The following CLYBL variants were observed in gnomAD, a reference collection of about 807,000 sequenced individuals.
CLYBL encodes citramalyl-CoA lyase, also known as citramalyl-CoA lyase, mitochondrial.
Under a neutral mutation model 38.9 loss-of-function variants are expected in CLYBL, and 31 were observed. That is an observed-to-expected ratio of 0.80 (90% CI 0.60 to 1.08). CLYBL has a LOEUF of 1.08. Ranked by LOEUF, CLYBL falls within the 50% of genes least tolerant of loss-of-function variation. The pLI is 0.00. For synonymous variants in CLYBL, 171 were observed against 158.6 expected (o/e 1.08, Z -0.59); for missense variants, 434 against 411.6 (o/e 1.05, Z -0.47).
At chr13:99,796,877 A>G (rs1215454454) in intron 2 of CLYBL, among the ~76,000 whole-genome samples, 1 of 151,994 alleles carries the variant, frequency 6.6e-6, no homozygotes, top group Non-Finnish European at 1.5e-5. Context: ...CAGTCACCAC[A>G]CCCTAATGTT....
At chr13:99,666,497 T>C (rs1471122858) in intron 1 of CLYBL, among the ~76,000 whole-genome samples, 1 of 152,162 alleles carries the variant, frequency 6.6e-6, no homozygotes, top group African/African-American at 2.4e-5. Context: ...GGGGTTTTTT[T>C]CCCTGTAGGT....
intron 2 of CLYBL, among the ~76,000 whole-genome samples, chr13:99,804,920 A>G (rs2390356): frequency 0.18 from 26,865 of 151,700 alleles, 2,958 homozygotes; most frequent in East Asian, 0.37. Context: ...ATAACTCCCC[A>G]TTTCCCCCTC....
At chr13:99,738,121 T>C (rs1000707478) in intron 1 of CLYBL, among the ~76,000 whole-genome samples, 36 of 152,196 alleles carry the variant, frequency 2.4e-4, no homozygotes, top group African/African-American at 8.2e-4. Flanking sequence ...AATTAAACCA[T>C]GGTGGGTATT....
chr13:99,827,122 G>T (rs1484160234), intron 2 of CLYBL, among the ~76,000 whole-genome samples: 1 of 152,134 alleles, frequency 6.6e-6, no homozygotes, highest in East Asian at 1.9e-4. Flanking sequence ...GCTCACCTTT[G>T]GCCATTCCCA....
At chr13:99,749,034 C>T (rs2048907483) in intron 1 of CLYBL, among the ~76,000 whole-genome samples, 1 of 151,938 alleles carries the variant, frequency 6.6e-6, no homozygotes. Context: ...CAAAAATTAG[C>T]CAGTGTGGTG....
chr13:99,649,299 C>A (rs939110846), intron 1 of CLYBL, among the ~76,000 whole-genome samples: 1 of 152,182 alleles, frequency 6.6e-6, no homozygotes, highest in South Asian at 2.1e-4. Context: ...TGCCAGCTCG[C>A]TTCTAGCATA....
At chr13:99,716,162 T>A (rs1594135407) in intron 1 of CLYBL, among the ~76,000 whole-genome samples, 1 of 145,358 alleles carries the variant, frequency 6.9e-6, no homozygotes, top group Non-Finnish European at 1.5e-5. Flanking sequence ...CTTGCTTTAT[T>A]GGTGTAATTT....
chr13:99,682,532 A>G (rs1004798764), intron 1 of CLYBL, among the ~76,000 whole-genome samples: 2 of 152,206 alleles, frequency 1.3e-5, no homozygotes, highest in Non-Finnish European at 2.9e-5. Flanking sequence ...GAACACTCAC[A>G]GAAGGCTCTT....
At chr13:99,647,010 C>T (rs898525555) in intron 1 of CLYBL, among the ~76,000 whole-genome samples, 4 of 152,258 alleles carry the variant, frequency 2.6e-5, no homozygotes, top group East Asian at 1.9e-4. Context: ...CTGGGCCCTC[C>T]GCACGCTCTG....
At chr13:99,836,385 G>A (rs12869989) in intron 2 of CLYBL, among the ~76,000 whole-genome samples, 1 of 152,200 alleles carries the variant, frequency 6.6e-6, no homozygotes. Flanking sequence ...AGAGTGGACA[G>A]TGTTCCAGGG....
At chr13:99,790,702 C>T (rs2049896784) in intron 2 of CLYBL, among the ~76,000 whole-genome samples, 1 of 152,300 alleles carries the variant, frequency 6.6e-6, no homozygotes, top group Non-Finnish European at 1.5e-5. Flanking sequence ...CGGTTCATTT[C>T]TTGGAGAAGT....
rs781050112 is a variant in CLYBL at position 99,907,923 on chromosome 13, C to T, written c.*161-132C>T. 5.9e-5 allele frequency among the ~76,000 whole-genome samples: 9 copies of T among 152,250 alleles called. No homozygotes were observed. In the Middle Eastern group the frequency reaches 0.01, roughly 173 times the overall value. On this transcript the variant is annotated intron_variant and NMD_transcript_variant, in intron 9 of 9. Coordinates refer to the CLYBL transcript ENST00000689673. ...TGCCAAGACTTTGGGCATGGGCTTG[C>T]GAGGGACTCCTCCTGACTGCACCCC...
At chr13:99,793,730 A>T (rs900330507) in intron 2 of CLYBL, among the ~76,000 whole-genome samples, 1 of 152,160 alleles carries the variant, frequency 6.6e-6, no homozygotes, top group African/African-American at 2.4e-5. Flanking sequence ...TTTCAAAGAG[A>T]TGCAGGCTTT....
chr13:99,640,328 T>C (rs2139264815), intron 1 of CLYBL, among the ~76,000 whole-genome samples: 1 of 152,390 alleles, frequency 6.6e-6, no homozygotes, highest in East Asian at 1.9e-4. Context: ...ATGTTCATTG[T>C]CGTAAAATAT....
At chr13:99,749,488 A>G (rs897043647) in intron 1 of CLYBL, among the ~76,000 whole-genome samples, 2 of 152,176 alleles carry the variant, frequency 1.3e-5, no homozygotes, top group African/African-American at 4.8e-5. Context: ...CACAATAGCC[A>G]GAAGGCTGGC....
intron 1 of CLYBL, among the ~76,000 whole-genome samples, chr13:99,737,873 T>C (rs1298612483): frequency 6.6e-6 from 1 of 152,154 alleles, no homozygotes. Flanking sequence ...TGCGCGTCAA[T>C]TTTTTCTAAC....
chr13:99,880,070 T>TA (rs1186082855), intron 7 of CLYBL, among the ~76,000 whole-genome samples: 1,255 of 29,012 alleles, frequency 0.043, 16 homozygotes, highest in African/African-American at 0.13. Context: ...ATATATATAT[T>TA]TTTTTTTTTT....
At position 99,849,702 on chromosome 13, in the gene CLYBL, A is replaced by G. The variant is rs2051286559; in HGVS notation, c.250-9159A>G. On this transcript the variant is annotated intron_variant, in intron 2 of 8. Coordinates refer to ENST00000339105, the MANE Select transcript of CLYBL (RefSeq NM_206808.5). The surrounding 1 kb of genome is among the most constrained non-coding windows in gnomAD (Gnocchi z 4.9). ...TTCGCAGAAATACCAAAGGCCTGGC[A>G]CATATAGTTAAGGAAAATCCACCAG... 6.6e-6 allele frequency among the ~76,000 whole-genome samples: 1 copy of G among 152,204 alleles called. No homozygotes were observed. The highest frequency in any genetic ancestry group is 2.1e-4 in the South Asian group (1 of 4,828).
At chr13:99,847,533 C>T (rs1594218596) in intron 2 of CLYBL, among the ~76,000 whole-genome samples, 1 of 152,332 alleles carries the variant, frequency 6.6e-6, no homozygotes, top group African/African-American at 2.4e-5. Context: ...CAGCTACCTT[C>T]TCTTTCCTCA....
Sources: allele counts gnomAD v4.1 joint callset (sites outside exome capture counted in the v4.1 genomes callset), GRCh38; gene constraint gnomAD v4.1.1; non-coding constraint Gnocchi (gnomAD v3.1); transcripts MANE v1.5; gene names NCBI Gene and HGNC (gene_info 2026-07-23, HGNC 2026-07-21).